DNAH6: variants seen among roughly 807,000 people sequenced by gnomAD.
The protein encoded by DNAH6 is axonemal beta dynein heavy chain 6.
Under a neutral mutation model 491.4 loss-of-function variants are expected in DNAH6, and 340 were observed. The observed-to-expected ratio is 0.69, with a 90% CI of 0.63 to 0.76. The LOEUF (loss-of-function observed/expected upper bound fraction) is 0.76, where lower values mean the gene tolerates loss of function less well. Among genes scored for constraint, DNAH6 ranks in the 30% least tolerant of loss-of-function variants. The pLI is 0.00. For missense variants in DNAH6, 4,443 were observed against 4,972.2 expected (o/e 0.89, Z 3.20); for synonymous variants, 1,603 against 1,686.1 (o/e 0.95, Z 1.21).
At chr2:84,717,078 C>G (rs1697608892) in intron 58 of DNAH6, among the ~76,000 whole-genome samples, 1 of 152,176 alleles carries the variant, frequency 6.6e-6, no homozygotes, top group African/African-American at 2.4e-5. Flanking sequence ...TCTGGGGCAG[C>G]ACAAGGCCAT....
rs1684519533 is a variant in DNAH6 at position 84,595,768 on chromosome 2, G to A, written c.2847G>A (p.Lys949=). The A allele has an allele frequency of 3.9e-6, 6 of 1,543,606 alleles. No individual in the cohort carries two copies. The South Asian group carries it at 4.9e-5, about 13-fold the overall frequency. Residue 949 remains lysine, a synonymous_variant, in exon 18 of 77, where the codon AAG becomes AAA. Coordinates refer to ENST00000389394, the MANE Select transcript of DNAH6 (RefSeq NM_001370.2). ...GTGTAGTGCCCCAGCTCAAATACAA[G>A]GTGGAAAAAATGAAAGAAAAGGTAA... is the stretch of plus-strand genomic sequence containing the variant. The part of the protein sequence containing the change: ...PNSVVPQLKY[K]VEKMKEKLPV...
intron 47 of DNAH6, 101 bp downstream of exon 47, chr2:84,697,828 T>A (rs1695537221): frequency 3.1e-6 from 4 of 1,288,018 alleles, no homozygotes; most frequent in Admixed American, 4.6e-5. Flanking sequence ...ATGAATAAAA[T>A]TTTTTTCAAT....
intron 64 of DNAH6, among the ~76,000 whole-genome samples, chr2:84,776,560 T>C (rs1472077220): frequency 6.6e-6 from 1 of 152,228 alleles, no homozygotes; most frequent in East Asian, 1.9e-4. Context: ...CAGAAGACTT[T>C]AAAATTGCAG....
intron 44 of DNAH6, 127 bp downstream of exon 44, chr2:84,686,684 A>T: frequency 3.4e-6 from 2 of 591,694 alleles, no homozygotes; most frequent in Non-Finnish European, 5.8e-6. Flanking sequence ...AGATGTCAGC[A>T]AACTATGGCC....
At chr2:84,676,480 G>T (rs920441613) in intron 40 of DNAH6, among the ~76,000 whole-genome samples, 7 of 152,284 alleles carry the variant, frequency 4.6e-5, no homozygotes, top group African/African-American at 1.4e-4. Context: ...TGGTCCATGA[G>T]TTCAATGTTA....
intron 47 of DNAH6, 85 bp downstream of exon 47, chr2:84,697,812 G>C: frequency 7.1e-7 from 1 of 1,413,920 alleles, no homozygotes; most frequent in Non-Finnish European, 9.7e-7. Flanking sequence ...TTGCCTGAAG[G>C]GGTCCATGAA....
chr2:84,479,842 C>A, the DNAH6 span, among the ~76,000 whole-genome samples: 1 of 152,246 alleles, frequency 6.6e-6, no homozygotes, highest in East Asian at 1.9e-4. Context: ...AAATCAAACC[C>A]AAAGCTACCA....
intron 3 of DNAH6, among the ~76,000 whole-genome samples, chr2:84,526,086 A>C (rs1676578931): frequency 6.6e-6 from 1 of 152,194 alleles, no homozygotes; most frequent in African/African-American, 2.4e-5. Flanking sequence ...ATAAAGTGAG[A>C]CAAAGCCAGC....
chr2:84,564,517 C>T (rs1680979389), intron 11 of DNAH6, among the ~76,000 whole-genome samples: 1 of 152,096 alleles, frequency 6.6e-6, no homozygotes, highest in Admixed American at 6.6e-5. Context: ...AGAAATGCTA[C>T]TGATTTTTGT....
chr2:84,657,876 C>T (rs1056220259), intron 35 of DNAH6, among the ~76,000 whole-genome samples: 5 of 151,976 alleles, frequency 3.3e-5, no homozygotes, highest in Admixed American at 3.3e-4. Flanking sequence ...GTGAGAGGGG[C>T]TGAATTCACT....
intron 30 of DNAH6, 128 bp downstream of exon 30, chr2:84,634,769 C>G (rs1439510131): frequency 8.6e-7 from 1 of 1,165,154 alleles, no homozygotes; most frequent in East Asian, 3.0e-5. Flanking sequence ...CCAAGGGGAC[C>G]TTGGCTCTCC....
chr2:84,608,980 C>G (rs548296021), intron 21 of DNAH6, among the ~76,000 whole-genome samples: 2 of 152,334 alleles, frequency 1.3e-5, no homozygotes, highest in South Asian at 4.1e-4. Flanking sequence ...GCACTTGCTA[C>G]TTCACCTTGC....
intron 11 of DNAH6, among the ~76,000 whole-genome samples, chr2:84,560,266 C>T (rs1400285789): frequency 1.3e-5 from 2 of 151,866 alleles, no homozygotes; most frequent in Admixed American, 6.6e-5. Flanking sequence ...AATTTTTCTG[C>T]AGGTCTTACA....
At position 84,518,004 on chromosome 2, in the gene DNAH6, CAGG is replaced by C. The variant is rs1401034392; in HGVS notation, c.181_183del (p.Glu61del). On this transcript the variant is annotated inframe_deletion, in exon 2 of 77. Transcript: ENST00000389394. ...AACGTTTAGGCACATTACAAAAGCT[CAGG>C]AGAAGACAAGAAAACGACAGCAGCC... 6 of 1,551,220 alleles carry C rather than the reference CAGG, an allele frequency of 3.9e-6. No individual in the cohort carries two copies. Among genetic ancestry groups the C allele is most frequent in the Non-Finnish European group, 5.2e-6 (6 of 1,146,926 alleles).
chr2:84,583,772 C>G (rs979434291), intron 14 of DNAH6, among the ~76,000 whole-genome samples: 12 of 152,144 alleles, frequency 7.9e-5, no homozygotes, highest in African/African-American at 2.7e-4. Context: ...CTTTGCTTCT[C>G]CCTTGCCTTT....
At chr2:84,674,589 A>T (rs1253788391) in intron 40 of DNAH6, among the ~76,000 whole-genome samples, 1 of 152,142 alleles carries the variant, frequency 6.6e-6, no homozygotes, top group African/African-American at 2.4e-5. Flanking sequence ...TGCAAGATGA[A>T]CGCATATTCA....
At chr2:84,535,838 T>A (rs1435511555) in intron 4 of DNAH6, among the ~76,000 whole-genome samples, 1 of 151,962 alleles carries the variant, frequency 6.6e-6, no homozygotes, top group African/African-American at 2.4e-5. Context: ...ACAGCACTAT[T>A]TAGAGTCTCT....
chr2:84,701,414 G>A, intron 49 of DNAH6, 75 bp downstream of exon 49: 2 of 1,461,042 alleles, frequency 1.4e-6, no homozygotes, highest in East Asian at 2.5e-5. Flanking sequence ...GAAACTCTAT[G>A]CACTGTCTTA....
At chr2:84,611,965 C>T (rs952932373) in intron 22 of DNAH6, 111 bp downstream of exon 22, 17 of 948,166 alleles carry the variant, frequency 1.8e-5, no homozygotes, top group African/African-American at 5.0e-5. Flanking sequence ...ATGGTCCATT[C>T]AACCCTTGAT....
Sources: allele counts gnomAD v4.1 joint callset (sites outside exome capture counted in the v4.1 genomes callset), GRCh38; gene constraint gnomAD v4.1.1; transcripts MANE v1.5; gene names NCBI Gene and HGNC (gene_info 2026-07-23, HGNC 2026-07-21).